The following SORL1 variants were observed in gnomAD, a reference collection of about 807,000 sequenced individuals.
SORL1 encodes the protein sortilin related receptor 1, also known as sortilin-related receptor.
Under a neutral mutation model 273.7 loss-of-function variants are expected in SORL1, and 127 were observed. That is an observed-to-expected ratio of 0.46 (90% confidence interval 0.40 to 0.54). SORL1 has a LOEUF of 0.54. SORL1 is among the 20% of genes least tolerant of loss of function. SORL1 has a pLI of 0.00. For missense variants in SORL1, 2,494 were observed against 2,846.1 expected (o/e 0.88, Z 2.81); for synonymous variants, 1,031 against 1,067.4 (o/e 0.97, Z 0.66).
intron 12 of SORL1, 26 bp from the exon 13 acceptor site, chr11:121,543,522 G>A (rs1862378256): frequency 3.1e-6 from 5 of 1,587,530 alleles, no homozygotes; most frequent in Non-Finnish European, 4.3e-6. Context: ...TTCACTGCAA[G>A]GATTCTCTTA....
intron 3 of SORL1, among the ~76,000 whole-genome samples, chr11:121,484,087 G>T (rs1861436904): frequency 6.6e-6 from 1 of 152,146 alleles, no homozygotes; most frequent in Admixed American, 6.5e-5. Context: ...ATGTCAAACA[G>T]GCCCGTGTCT....
intron 25 of SORL1, among the ~76,000 whole-genome samples, chr11:121,583,091 C>T (rs995769315): frequency 3.9e-5 from 6 of 152,208 alleles, no homozygotes; most frequent in African/African-American, 1.4e-4. Context: ...GGGCCTTGGA[C>T]TGCCTTGGTG....
intron 14 of SORL1, among the ~76,000 whole-genome samples, chr11:121,547,875 A>G (rs1862457402): frequency 6.6e-6 from 1 of 152,206 alleles, no homozygotes; most frequent in African/African-American, 2.4e-5. Flanking sequence ...AGCTTATAGT[A>G]TCTTTCCATT....
intron 6 of SORL1, among the ~76,000 whole-genome samples, chr11:121,509,226 T>G (rs1481798597): frequency 6.6e-6 from 1 of 152,124 alleles, no homozygotes; most frequent in Non-Finnish European, 1.5e-5. Flanking sequence ...TCTGAACTAG[T>G]GGCCCTGTGC....
intron 32 of SORL1, among the ~76,000 whole-genome samples, chr11:121,602,110 A>C (rs1171431904): frequency 6.6e-6 from 1 of 152,138 alleles, no homozygotes; most frequent in Admixed American, 6.5e-5. Context: ...TGGGCTTCTG[A>C]GACTATTACA....
chr11:121,598,654 G>A (rs1863337900), intron 32 of SORL1, among the ~76,000 whole-genome samples: 2 of 152,172 alleles, frequency 1.3e-5, no homozygotes, highest in Admixed American at 1.3e-4. Flanking sequence ...GTTGTTCCTT[G>A]TGATGATCTC....
intron 9 of SORL1, 34 bp downstream of exon 9, chr11:121,520,883 T>A: frequency 6.7e-7 from 1 of 1,496,110 alleles, no homozygotes; most frequent in Admixed American, 2.3e-5. Flanking sequence ...TGCTTTTTAA[T>A]ATAAAGGAAA....
intron 33 of SORL1, among the ~76,000 whole-genome samples, 200 bp downstream of exon 33, chr11:121,604,524 C>T (rs1305416505): frequency 1.3e-5 from 2 of 151,744 alleles, no homozygotes; most frequent in Admixed American, 1.3e-4. Context: ...GCAGCTGTCT[C>T]CTCCCTGTTA....
At chr11:121,507,001 A>T (rs537409708) in intron 6 of SORL1, among the ~76,000 whole-genome samples, 1 of 152,318 alleles carries the variant, frequency 6.6e-6, no homozygotes, top group African/African-American at 2.4e-5. Context: ...TTTGGGGATT[A>T]CAATAAATAT....
intron 6 of SORL1, among the ~76,000 whole-genome samples, chr11:121,502,311 A>AT (rs1303332191): frequency 6.6e-6 from 1 of 150,406 alleles, no homozygotes; most frequent in Admixed American, 6.6e-5. Flanking sequence ...AATTTTTTGT[A>AT]TTTTTTAGTA....
intron 46 of SORL1, chr11:121,626,205 T>C (rs1183514645): frequency 6.6e-6 from 1 of 152,224 alleles, no homozygotes; most frequent in Non-Finnish European, 1.5e-5. Context: ...AAAATTCCTG[T>C]GCAGACCCCT....
At chr11:121,458,533 A>T (rs192934818) in intron 1 of SORL1, among the ~76,000 whole-genome samples, 4 of 152,274 alleles carry the variant, frequency 2.6e-5, no homozygotes, top group Non-Finnish European at 2.9e-5. Context: ...GGGGTGAGGC[A>T]TTCTCTGTTG....
intron 1 of SORL1, among the ~76,000 whole-genome samples, chr11:121,467,665 AC>A (rs1861104220): frequency 1.3e-5 from 2 of 152,156 alleles, no homozygotes; most frequent in African/African-American, 2.4e-5. Flanking sequence ...TTCCCAGGGC[AC>A]ATGTGTTGTG....
intron 28 of SORL1, 139 bp downstream of exon 28, chr11:121,588,290 G>A: frequency 2.4e-6 from 2 of 845,680 alleles, no homozygotes; most frequent in South Asian, 1.6e-5. Context: ...CCCTGGAGTT[G>A]CACCTCTATT....
Position 121,618,843 on chromosome 11 carries a change from C to T in SORL1, c.5674C>T (p.Leu1892Phe), listed in dbSNP as rs1311421354. Residue 1892 changes from leucine (L) to phenylalanine (F), a missense_variant, in exon 42 of 48, where the codon CTC becomes TTC. This residue lies in a region of SORL1 where 1,609 missense variants were observed against 1,816.4 expected (regional missense o/e 0.89). Transcript: ENST00000260197. ...CAACCCGAAGAGCTTGACTACTTCACTCCACAACAAGACGGTCATTGTCAG... is the reference window on the plus strand; with the variant it reads ...CAACCCGAAGAGCTTGACTACTTCATTCCACAACAAGACGGTCATTGTCAG... ...YRNPKSLTTS[L>F]HNKTVIVSKD... 6.2e-7 allele frequency: 1 copy of T among 1,614,018 alleles called. No homozygotes were observed. Among genetic ancestry groups the T allele is most frequent in the Non-Finnish European group, 8.5e-7 (1 of 1,179,986 alleles).
Position 121,550,572 on chromosome 11 carries a change from G to T in SORL1, c.2181-13G>T, listed in dbSNP as rs370885705. 3.1e-6 allele frequency: 5 copies of T among 1,613,614 alleles called. No homozygotes were observed. The highest frequency in any genetic ancestry group is 1.7e-5 in the Admixed American group (1 of 60,024). ...CATGTTTCTGACCTCTTGCTCTTGGGGTGGGGTGACAGCTACCGGAAGATT... is the reference window on the plus strand; with the variant it reads ...CATGTTTCTGACCTCTTGCTCTTGGTGTGGGGTGACAGCTACCGGAAGATT... On this transcript the variant is annotated splice_polypyrimidine_tract_variant and intron_variant, in intron 15 of 47. Coordinates refer to ENST00000260197, the MANE Select transcript of SORL1 (RefSeq NM_003105.6). This position sits in a 1 kb window ranked among gnomAD's most constrained non-coding sequence, Gnocchi z 5.3.
intron 21 of SORL1, among the ~76,000 whole-genome samples, chr11:121,562,290 T>C (rs1702903351): frequency 6.6e-6 from 1 of 152,280 alleles, no homozygotes; most frequent in Middle Eastern, 3.4e-3. Flanking sequence ...GTGACTCCTG[T>C]CCATCTTTAT....
chr11:121,525,473 G>A (rs139370990), intron 11 of SORL1, among the ~76,000 whole-genome samples: 382 of 152,222 alleles, frequency 2.5e-3, no homozygotes, highest in Non-Finnish European at 4.2e-3. Context: ...GGAATAGCTG[G>A]GTAGCATGGT....
At chr11:121,610,972 C>A in intron 38 of SORL1, 104 bp from the exon 39 acceptor site, 2 of 758,210 alleles carry the variant, frequency 2.6e-6, no homozygotes, top group East Asian at 2.5e-5. Context: ...CCTTTCTTCC[C>A]CGACTGAAAG....
Sources: gnomAD v4.1 joint callset for allele counts (sites outside exome capture counted in the v4.1 genomes callset) on GRCh38, gnomAD v4.1.1 for gene constraint, gnomAD v4.1.1 regional missense constraint, Gnocchi (gnomAD v3.1) non-coding constraint, MANE v1.5 for transcripts, NCBI Gene and HGNC (gene_info 2026-07-23, HGNC 2026-07-21) for gene names.